Variants in PIK3R1 observed in about 807,000 individuals in gnomAD.
The protein encoded by PIK3R1 is phosphoinositide-3-kinase regulatory subunit 1.
A neutral mutation model predicts 98.0 loss-of-function variants in PIK3R1; 29 were observed. That is an observed-to-expected ratio of 0.30 (90% CI 0.22 to 0.40). PIK3R1 has a LOEUF of 0.40. PIK3R1 is among the 10% of genes least tolerant of loss of function. The pLI is 1.00. For missense variants in PIK3R1, 596 were observed against 872.7 expected (o/e 0.68, Z 3.99); for synonymous variants, 282 against 311.8 (o/e 0.90, Z 1.01).
At chr5:68,264,781 T>C (rs1746053398) in intron 2 of PIK3R1, among the ~76,000 whole-genome samples, 1 of 152,268 alleles carries the variant, frequency 6.6e-6, no homozygotes, top group East Asian at 1.9e-4. Flanking sequence ...CTGTGGGACC[T>C]TGGGCAAGTT....
chr5:68,217,649 T>G (rs946120752), intron 1 of PIK3R1: 2 of 136,042 alleles, frequency 1.5e-5, no homozygotes, highest in South Asian at 4.3e-4. Flanking sequence ...TGTGTGTGTG[T>G]GTGTGCGCGC....
At position 68,301,382 on chromosome 5, in the gene PIK3R1, GTGTGTGTGTGTATATATATATATATA is replaced by G. The variant is rs1314732999; in HGVS notation, c.*3783_*3808del. The G allele has an allele frequency of 5.4e-3, 248 of 45,880 alleles. 5 individuals are homozygous for G. The highest frequency in any genetic ancestry group is 0.016 in the South Asian group (18 of 1,150). The allele number at this position is 45,880 out of a possible 1,614,324, so 2.8% of individuals were successfully genotyped here. A position where few individuals can be genotyped will look rare whatever the true frequency, so the allele number is the denominator to read the frequency against. On this transcript the variant is annotated 3_prime_UTR_variant, in exon 16 of 16. Transcript: ENST00000521381. ...TATATATATATGTGTGTGTGTGTGT[GTGTGTGTGTGTATATATATATATATA>G]TATATATATATATATATATATATAT... is the stretch of plus-strand genomic sequence containing the variant.
At chr5:68,228,368 A>C (rs1292400100) in intron 2 of PIK3R1, among the ~76,000 whole-genome samples, 1 of 152,198 alleles carries the variant, frequency 6.6e-6, no homozygotes, top group Non-Finnish European at 1.5e-5. Context: ...ACCTGAAGGG[A>C]AGCCCTTTTC....
rs115218343 is a variant in PIK3R1 at position 68,300,302 on chromosome 5, C to T, written c.*2701C>T. The stretch of plus-strand genomic sequence containing the variant: ...TTTGATTACAGTGTAGCTTGCCCAC[C>T]GCATTTGTCGTTTTAGATACTTTGC... On this transcript the variant is annotated 3_prime_UTR_variant, in exon 16 of 16. Transcript: ENST00000521381. 4.4e-3 allele frequency: 1,015 copies of T among 233,026 alleles called. 10 individuals are homozygous for T. The highest frequency in any genetic ancestry group is 0.021 in the African/African-American group (946 of 45,416). The allele number at this position is 233,026 out of a possible 1,614,324, so 14.4% of individuals were successfully genotyped here.
chr5:68,246,905 GA>G (rs11291585), intron 2 of PIK3R1, among the ~76,000 whole-genome samples: 148,198 of 151,566 alleles, frequency 0.98, 72,466 homozygotes, highest in East Asian at 1. Flanking sequence ...ATTAGTAAGA[GA>G]AAAAAAAAAA....
At chr5:68,241,585 C>G (rs1025849943) in intron 2 of PIK3R1, among the ~76,000 whole-genome samples, 2 of 152,226 alleles carry the variant, frequency 1.3e-5, no homozygotes, top group African/African-American at 4.8e-5. Flanking sequence ...GTGCTGTGTG[C>G]TCTACCTACC....
intron 2 of PIK3R1, among the ~76,000 whole-genome samples, chr5:68,236,720 C>T (rs1015184618): frequency 6.6e-6 from 1 of 152,156 alleles, no homozygotes; most frequent in Non-Finnish European, 1.5e-5. Flanking sequence ...GTGAAGTGAT[C>T]GGTAACTGAA....
chr5:68,295,674 A>C (rs1393449039), intron 14 of PIK3R1, 186 bp downstream of exon 14: 2 of 608,550 alleles, frequency 3.3e-6, no homozygotes, highest in Non-Finnish European at 5.8e-6. Context: ...AAGGAGGACT[A>C]GGATTTATTT....
intron 4 of PIK3R1, among the ~76,000 whole-genome samples, chr5:68,274,995 A>G (rs1746512399): frequency 6.6e-6 from 1 of 152,232 alleles, no homozygotes; most frequent in African/African-American, 2.4e-5. Flanking sequence ...GTAAATGAGA[A>G]TTTGAAGCAT....
intron 2 of PIK3R1, among the ~76,000 whole-genome samples, chr5:68,235,110 A>G (rs565644536): frequency 6.6e-6 from 1 of 152,322 alleles, no homozygotes; most frequent in East Asian, 1.9e-4. Flanking sequence ...ATTTAAAAAA[A>G]TAATTTTTGA....
chr5:68,216,474 G>T (rs1271989988), intron 1 of PIK3R1, among the ~76,000 whole-genome samples: 1 of 151,996 alleles, frequency 6.6e-6, no homozygotes, highest in Admixed American at 6.5e-5. Flanking sequence ...GTGGTCCCCG[G>T]AGCTCGTCCC....
intron 7 of PIK3R1, chr5:68,290,542 A>G (rs1192860692): frequency 7.6e-6 from 5 of 662,090 alleles, no homozygotes; most frequent in Non-Finnish European, 1.1e-5. Flanking sequence ...TAAGGCTGGT[A>G]TGGAAGAGAA....
intron 2 of PIK3R1, 133 bp downstream of exon 2, chr5:68,227,142 G>A (rs993901561): frequency 2.3e-5 from 17 of 741,330 alleles, no homozygotes; most frequent in Non-Finnish European, 3.5e-5. Flanking sequence ...GATGTGTGGT[G>A]CATAAAAGCT....
chr5:68,262,936 TATACATGTAG>T (rs1434657576), intron 2 of PIK3R1, among the ~76,000 whole-genome samples: 531 of 32,262 alleles, frequency 0.016, 70 homozygotes, highest in Non-Finnish European at 0.019. Flanking sequence ...TGTATACATA[TATACATGTAG>T]ATACATGTAG....
At chr5:68,230,783 G>A (rs1314386321) in intron 2 of PIK3R1, among the ~76,000 whole-genome samples, 2 of 152,136 alleles carry the variant, frequency 1.3e-5, no homozygotes, top group Non-Finnish European at 2.9e-5. Flanking sequence ...TTGCATGGGG[G>A]CTAAAATTGC....
intron 7 of PIK3R1, chr5:68,288,862 G>A: frequency 1.8e-6 from 2 of 1,096,858 alleles, no homozygotes; most frequent in Non-Finnish European, 2.8e-6. Flanking sequence ...CGCTGCCTGG[G>A]GAGGACAGAT....
At chr5:68,228,080 G>A (rs2111970187) in intron 2 of PIK3R1, among the ~76,000 whole-genome samples, 1 of 152,210 alleles carries the variant, frequency 6.6e-6, no homozygotes, top group East Asian at 1.9e-4. Flanking sequence ...CTTTCTTAGG[G>A]TCTAAGAAGG....
Position 68,279,631 on chromosome 5 carries a change from G to A in PIK3R1, c.532G>A (p.Asp178Asn), listed in dbSNP as rs751832841. 1.8e-5 allele frequency: 29 copies of A among 1,613,618 alleles called. No homozygotes were observed. Among genetic ancestry groups the A allele is most frequent in the South Asian group, 7.7e-5 (7 of 91,058 alleles). Residue 178 changes from aspartate (D) to asparagine (N), a missense_variant, in exon 5 of 16, where the codon GAT (aspartate) becomes AAT (asparagine). Transcript: ENST00000521381. ...DTPSVDLEMI[D>N]VHVLADAFKR... is the part of the protein sequence containing the mutation. The stretch of plus-strand genomic sequence containing the variant: ...ACCCTCCGTGGACTTGGAAATGATC[G>A]ATGTGCACGTTTTGGCTGACGCTTT...
intron 2 of PIK3R1, among the ~76,000 whole-genome samples, chr5:68,228,645 C>T (rs906893524): frequency 2.6e-5 from 4 of 152,052 alleles, no homozygotes; most frequent in African/African-American, 7.2e-5. Context: ...ACGCTTTCTT[C>T]AGTAGCCTAA....
Sources: gnomAD v4.1 joint callset for allele counts (sites outside exome capture counted in the v4.1 genomes callset) on GRCh38, gnomAD v4.1.1 for gene constraint, MANE v1.5 for transcripts, NCBI Gene and HGNC (gene_info 2026-07-23, HGNC 2026-07-21) for gene names.